Variants in ARHGAP8 observed in about 807,000 individuals in gnomAD.
ARHGAP8 encodes the protein rho GTPase-activating protein 8.
Under a neutral mutation model 46.1 loss-of-function variants are expected in ARHGAP8, and 62 were observed. That is an observed-to-expected ratio of 1.34 (90% CI 1.10 to 1.66). The LOEUF (loss-of-function observed/expected upper bound fraction) is 1.66, where lower values mean the gene tolerates loss of function less well. Among genes scored for constraint, ARHGAP8 ranks in the 40% most tolerant of loss-of-function variants. The pLI is 0.00. For synonymous variants in ARHGAP8, 375 were observed against 243.1 expected (o/e 1.54, Z -5.05); for missense variants, 923 against 568.4 (o/e 1.62, Z -6.34).
chr22:44,794,343 G>T (rs1436501198), intron 2 of ARHGAP8, among the ~76,000 whole-genome samples: 1 of 152,186 alleles, frequency 6.6e-6, no homozygotes, highest in Non-Finnish European at 1.5e-5. Flanking sequence ...CTCAGCCAGG[G>T]ATTGGGCAGA....
rs532404584 is a variant in ARHGAP8, at chr22:44,823,644, T to C, written c.485+1175T>C. ...CCACTCCCAGACCTCACTAAAGTGA[T>C]CCGGGGGAGTCCATGGAGACGGCTC... is the stretch of plus-strand genomic sequence containing the variant. On this transcript the variant is annotated intron_variant, in intron 6 of 11. Transcript: ENST00000356099. Among the ~76,000 whole-genome samples the C allele has an allele frequency of 7.9e-5, 12 of 152,166 alleles. No homozygotes were observed. In the East Asian group the frequency reaches 2.3e-3, roughly 29 times the overall value.
At chr22:44,850,442 T>A (rs1473400625) in intron 10 of ARHGAP8, 1 of 152,152 alleles carries the variant, frequency 6.6e-6, no homozygotes, top group Non-Finnish European at 1.5e-5. Flanking sequence ...GCAGGCAAGA[T>A]GGACAATGCT....
rs539579254 is a variant in ARHGAP8 at position 44,806,343 on chromosome 22, G to C, written c.168-1964G>C. Among the ~76,000 whole-genome samples, 6 of 152,304 alleles carry C rather than the reference G, an allele frequency of 3.9e-5. No individual in the cohort carries two copies. The East Asian group carries it at 5.8e-4, about 15-fold the overall frequency. On this transcript the variant is annotated intron_variant, in intron 3 of 11. Coordinates refer to ENST00000356099, the MANE Select transcript of ARHGAP8 (RefSeq NM_181335.3). ...TTGAAGTTACTTCCACAACGGGTGA[G>C]CTGAAATCATGCATGGTGTGAGGTC...
intron 2 of ARHGAP8, among the ~76,000 whole-genome samples, chr22:44,788,074 A>T (rs9808868): frequency 0.022 from 3,311 of 148,388 alleles, 120 homozygotes; most frequent in African/African-American, 0.077. Context: ...TAATTTATAT[A>T]GTGTTTAAAA....
At chr22:44,839,726 C>T (rs771332474) in intron 7 of ARHGAP8, among the ~76,000 whole-genome samples, 3 of 152,230 alleles carry the variant, frequency 2.0e-5, no homozygotes, top group East Asian at 1.9e-4. Flanking sequence ...ACTTCACACT[C>T]AGCCCGGTGG....
Position 44,752,638 on chromosome 22 carries a change from C to A in ARHGAP8, c.-72+11C>A, listed in dbSNP as rs1369734178. 7 of 91,990 alleles carry A rather than the reference C, an allele frequency of 7.6e-5. No homozygotes were observed. Among genetic ancestry groups the A allele is most frequent in the African/African-American group, 2.9e-4 (7 of 24,236 alleles). 5.7% of individuals were successfully genotyped at this position (91,990 alleles called of 1,614,324 possible). On this transcript the variant is annotated intron_variant, in intron 1 of 11. Transcript: ENST00000356099. ...GGGGTCCGTGGCCAGGTAAGGCGGGCGGCGGCGGGAGGGAGCGCGCAGGGA... is the reference window on the plus strand; with the variant it reads ...GGGGTCCGTGGCCAGGTAAGGCGGGAGGCGGCGGGAGGGAGCGCGCAGGGA...
chr22:44,758,338 C>T (rs1924853009), intron 1 of ARHGAP8, among the ~76,000 whole-genome samples: 1 of 152,150 alleles, frequency 6.6e-6, no homozygotes, highest in South Asian at 2.1e-4. Flanking sequence ...AGGAGAATCG[C>T]TTGAATCCGT....
Position 44,851,663 on chromosome 22 carries a change from A to G in ARHGAP8, c.877+2603A>G, listed in dbSNP as rs149713372. 2.6e-4 allele frequency among the ~76,000 whole-genome samples: 39 copies of G among 152,106 alleles called. No individual in the cohort carries two copies. In the East Asian group the frequency reaches 7.2e-3, roughly 28 times the overall value. ...AGTCCAGCCTGGGAAACATAGTGAGACCCCATCTCTACAAAAGATTTTAAA... is the reference window on the plus strand; with the variant it reads ...AGTCCAGCCTGGGAAACATAGTGAGGCCCCATCTCTACAAAAGATTTTAAA... On this transcript the variant is annotated intron_variant, in intron 10 of 11. Transcript: ENST00000356099.
rs112015317 is a variant in ARHGAP8, at chr22:44,820,533, T to C, written c.387-1838T>C. On this transcript the variant is annotated intron_variant, in intron 5 of 11. Transcript: ENST00000356099. ...GTCCCCGAGTCCTGTGGCGTCTAAA[T>C]GGGCAGGCGGTGAGGACACTCCTGC... Among the ~76,000 whole-genome samples, 81 of 152,252 alleles carry C rather than the reference T, an allele frequency of 5.3e-4. 1 individual carries two copies. Among genetic ancestry groups the C allele is most frequent in the African/African-American group, 1.9e-3 (78 of 41,552 alleles).
intron 10 of ARHGAP8, among the ~76,000 whole-genome samples, chr22:44,852,018 C>T (rs1229730378): frequency 6.6e-6 from 1 of 151,684 alleles, no homozygotes; most frequent in East Asian, 1.9e-4. Flanking sequence ...TGGTGAAACC[C>T]CGTCTCCACT....
intron 10 of ARHGAP8, chr22:44,850,679 T>C (rs2070070349): frequency 6.6e-6 from 1 of 152,158 alleles, no homozygotes; most frequent in Non-Finnish European, 1.5e-5. Flanking sequence ...AAGCTTGCAA[T>C]TGTGGGCCAG....
intron 7 of ARHGAP8, among the ~76,000 whole-genome samples, chr22:44,832,434 C>T (rs927959927): frequency 1.3e-5 from 2 of 151,964 alleles, no homozygotes; most frequent in African/African-American, 4.8e-5. Context: ...CCATGTTGGC[C>T]AGGCTGGTCT....
intron 2 of ARHGAP8, among the ~76,000 whole-genome samples, chr22:44,787,471 A>G (rs1927343254): frequency 6.6e-6 from 1 of 152,026 alleles, no homozygotes; most frequent in East Asian, 1.9e-4. Flanking sequence ...CAGCCTCCCA[A>G]GTAGCTGGGA....
chr22:44,849,422 T>G, intron 10 of ARHGAP8: 1 of 280,692 alleles, frequency 3.6e-6, no homozygotes, highest in Non-Finnish European at 6.9e-6. Context: ...CTCTCTCATC[T>G]AGAAAGGGCT....
intron 1 of ARHGAP8, among the ~76,000 whole-genome samples, chr22:44,770,822 C>T (rs1925946079): frequency 6.6e-6 from 1 of 152,168 alleles, no homozygotes; most frequent in Non-Finnish European, 1.5e-5. Flanking sequence ...AGAATTCAGA[C>T]CCCTCTCATT....
intron 2 of ARHGAP8, among the ~76,000 whole-genome samples, chr22:44,791,269 C>G (rs141317196): frequency 1.3e-5 from 2 of 152,050 alleles, no homozygotes; most frequent in African/African-American, 4.8e-5. Flanking sequence ...GTGCTCCTCC[C>G]GGGGAGTATA....
At chr22:44,842,175 G>T (rs1169483807) in intron 7 of ARHGAP8, among the ~76,000 whole-genome samples, 1 of 152,136 alleles carries the variant, frequency 6.6e-6, no homozygotes, top group Non-Finnish European at 1.5e-5. Context: ...TGGCCAACAT[G>T]GTGAAACCCC....
chr22:44,755,226 C>T (rs112380053), intron 1 of ARHGAP8, among the ~76,000 whole-genome samples: 2,465 of 152,332 alleles, frequency 0.016, 24 homozygotes, highest in Non-Finnish European at 0.025. Flanking sequence ...GCTGCAGCTA[C>T]AGTGTTCCCC....
intron 2 of ARHGAP8, among the ~76,000 whole-genome samples, chr22:44,790,721 A>T (rs76161865): frequency 8.0e-6 from 1 of 125,574 alleles, no homozygotes; most frequent in East Asian, 2.6e-4. Context: ...GCCCTGGGAA[A>T]GAACCTGGCC....
Sources: gnomAD v4.1 joint callset for allele counts (sites outside exome capture counted in the v4.1 genomes callset) on GRCh38, gnomAD v4.1.1 for gene constraint, MANE v1.5 for transcripts, NCBI Gene and HGNC (gene_info 2026-07-23, HGNC 2026-07-21) for gene names.